Variants in ERG observed in about 807,000 individuals in gnomAD.
ERG encodes ETS transcription factor ERG.
Under a neutral mutation model 55.3 loss-of-function variants are expected in ERG, and 9 were observed. The ratio of observed to expected loss-of-function variants is 0.16; its 90% CI spans 0.10 to 0.28. The LOEUF is 0.28. Ranked by LOEUF, ERG falls within the 10% of genes least tolerant of loss-of-function variation. The pLI is 1.00. For synonymous variants in ERG, 223 were observed against 237.3 expected (o/e 0.94, Z 0.55); for missense variants, 434 against 631.6 (o/e 0.69, Z 3.35).
intron 1 of ERG, among the ~76,000 whole-genome samples, chr21:38,604,412 G>GA (rs1200236181): frequency 6.6e-6 from 1 of 151,990 alleles, no homozygotes; most frequent in African/African-American, 2.4e-5. Flanking sequence ...ATTACAATAA[G>GA]AAAAAATAAT....
intron 2 of ERG, among the ~76,000 whole-genome samples, chr21:38,427,672 G>T (rs940465728): frequency 6.6e-6 from 1 of 152,112 alleles, no homozygotes; most frequent in Non-Finnish European, 1.5e-5. Flanking sequence ...AAGGTAACTA[G>T]ATCTTCATTT....
At chr21:38,404,868 C>T (rs1014762768) in intron 3 of ERG, among the ~76,000 whole-genome samples, 4 of 152,174 alleles carry the variant, frequency 2.6e-5, no homozygotes, top group Non-Finnish European at 5.9e-5. Context: ...TTTTAGGCTA[C>T]TCAAGAATGG....
At chr21:38,463,023 C>A (rs1346051431) in intron 1 of ERG, among the ~76,000 whole-genome samples, 4 of 152,176 alleles carry the variant, frequency 2.6e-5, no homozygotes, top group Non-Finnish European at 5.9e-5. Context: ...AGAGCCCGGG[C>A]ACAGACTCCC....
rs139662415 is a variant in ERG, at chr21:38,391,355, C to T, written c.871+304G>A. Among the ~76,000 whole-genome samples, 321 of 152,206 alleles carry T rather than the reference C, an allele frequency of 2.1e-3. 2 individuals carry two copies. Among genetic ancestry groups the T allele is most frequent in the Non-Finnish European group, 2.8e-3 (188 of 68,004 alleles). Reference sequence around the variant, plus strand: ...GTGCCAAGCCCCATCAATCCAGGGCCGTGCAGGCTGTGTTGTTTAGGCATG... The same window carrying T: ...GTGCCAAGCCCCATCAATCCAGGGCTGTGCAGGCTGTGTTGTTTAGGCATG... On this transcript the variant is annotated intron_variant, in intron 8 of 9. Transcript: ENST00000288319.
chr21:38,558,390 G>T (rs916472788), intron 2 of ERG, among the ~76,000 whole-genome samples: 1 of 152,174 alleles, frequency 6.6e-6, no homozygotes, highest in African/African-American at 2.4e-5. Context: ...AATTATATTG[G>T]TAATAGTTTT....
chr21:38,532,979 T>G (rs2146775911), intron 2 of ERG, among the ~76,000 whole-genome samples: 1 of 152,356 alleles, frequency 6.6e-6, no homozygotes, highest in South Asian at 2.1e-4. Flanking sequence ...GGGCACTAGC[T>G]CTTTTTCACC....
At chr21:38,424,192 C>A (rs1307854619) in intron 2 of ERG, among the ~76,000 whole-genome samples, 1 of 113,088 alleles carries the variant, frequency 8.8e-6, no homozygotes, top group Non-Finnish European at 2.1e-5. Context: ...CTCGAGCTCT[C>A]TCTCTCTCTC....
chr21:38,577,613 G>A (rs1198967166), intron 1 of ERG, among the ~76,000 whole-genome samples: 1 of 152,108 alleles, frequency 6.6e-6, no homozygotes, highest in Non-Finnish European at 1.5e-5. Context: ...CCTGGCTGAA[G>A]GTTTCTGGGA....
chr21:38,411,051 A>C (rs1277219290), intron 3 of ERG, among the ~76,000 whole-genome samples: 1 of 152,202 alleles, frequency 6.6e-6, no homozygotes, highest in Non-Finnish European at 1.5e-5. Flanking sequence ...AAGCCTGCAA[A>C]AATAAGATTT....
At chr21:38,387,004 A>G (rs910915426) in intron 9 of ERG, among the ~76,000 whole-genome samples, 3 of 152,136 alleles carry the variant, frequency 2.0e-5, no homozygotes, top group African/African-American at 7.2e-5. Flanking sequence ...GAGGAAAGTA[A>G]TCTCCTAATA....
intron 1 of ERG, among the ~76,000 whole-genome samples, chr21:38,630,763 G>T (rs1020615029): frequency 6.6e-6 from 1 of 152,106 alleles, no homozygotes; most frequent in Non-Finnish European, 1.5e-5. Flanking sequence ...TGTTTTCCTA[G>T]GATCACAGTC....
chr21:38,381,958 C>T lies in ERG; in HGVS notation c.*1445G>A. The stretch of plus-strand genomic sequence containing the variant: ...GTAAATTATAACACAAAATCCACAA[C>T]ATTCAGCACATGTTTTCATTAAGCA... On this transcript the variant is annotated 3_prime_UTR_variant, in exon 10 of 10. Coordinates refer to ENST00000288319, the MANE Select transcript of ERG (RefSeq NM_182918.4). 2 of 1,062,524 alleles carry T rather than the reference C, an allele frequency of 1.9e-6. No homozygotes were observed. The highest frequency in any genetic ancestry group is 2.3e-6 in the Non-Finnish European group (2 of 877,452). The allele number at this position is 1,062,524 out of a possible 1,614,324, so 65.8% of individuals were successfully genotyped here.
At chr21:38,604,421 A>C (rs2060184674) in intron 1 of ERG, among the ~76,000 whole-genome samples, 1 of 152,212 alleles carries the variant, frequency 6.6e-6, no homozygotes, top group African/African-American at 2.4e-5. Flanking sequence ...AGAAAAAATA[A>C]TACACAAATG....
chr21:38,422,196 G>A (rs913601982), intron 3 of ERG, among the ~76,000 whole-genome samples: 2 of 152,240 alleles, frequency 1.3e-5, no homozygotes, highest in Non-Finnish European at 2.9e-5. Flanking sequence ...CTTGGTGAAG[G>A]AAAATGATAT....
At chr21:38,614,213 T>G (rs183084996) in intron 1 of ERG, among the ~76,000 whole-genome samples, 2 of 152,348 alleles carry the variant, frequency 1.3e-5, no homozygotes, top group African/African-American at 4.8e-5. Flanking sequence ...GTTGTTTCCA[T>G]GAGCCCATAG....
At chr21:38,430,201 C>T (rs11700491) in intron 2 of ERG, among the ~76,000 whole-genome samples, 1 of 151,802 alleles carries the variant, frequency 6.6e-6, no homozygotes, top group East Asian at 1.9e-4. Flanking sequence ...GTTTGTTGGC[C>T]ATTTGTATTT....
chr21:38,389,869 C>A (rs1266123496), intron 9 of ERG, among the ~76,000 whole-genome samples: 2 of 152,170 alleles, frequency 1.3e-5, no homozygotes, highest in Non-Finnish European at 2.9e-5. Flanking sequence ...TCATTGAATT[C>A]ATTAACATTA....
chr21:38,574,855 A>G (rs2059985142), intron 2 of ERG, among the ~76,000 whole-genome samples: 1 of 152,236 alleles, frequency 6.6e-6, no homozygotes, highest in African/African-American at 2.4e-5. Flanking sequence ...GCATAGATAT[A>G]GTTGAACTAA....
At chr21:38,472,862 GTGCA>G (rs1192019267) in intron 1 of ERG, among the ~76,000 whole-genome samples, 1 of 152,204 alleles carries the variant, frequency 6.6e-6, no homozygotes, top group Non-Finnish European at 1.5e-5. Context: ...CCCTGTCTTG[GTGCA>G]TGCTGGGCCT....
Sources: gnomAD v4.1 joint callset for allele counts (sites outside exome capture counted in the v4.1 genomes callset) on GRCh38, gnomAD v4.1.1 for gene constraint, MANE v1.5 for transcripts, NCBI Gene and HGNC (gene_info 2026-07-23, HGNC 2026-07-21) for gene names.